Variants in PCDHA2 observed in about 807,000 individuals in gnomAD.
The protein encoded by PCDHA2 is protocadherin alpha-2.
PCDHA2 carries 58 observed loss-of-function variants against 66.0 expected under a neutral mutation model. The observed-to-expected ratio is 0.88, with a 90% confidence interval of 0.71 to 1.09. The LOEUF (loss-of-function observed/expected upper bound fraction) is 1.09, where lower values mean the gene tolerates loss of function less well. Ranked by LOEUF, PCDHA2 falls within the 50% of genes least tolerant of loss-of-function variation. The pLI, the probability that PCDHA2 is intolerant of heterozygous loss-of-function variation, is 0.00. For synonymous variants in PCDHA2, 634 were observed against 554.0 expected (o/e 1.14, Z -2.03); for missense variants, 1,267 against 1,242.3 (o/e 1.02, Z -0.30).
intron 1 of PCDHA2, among the ~76,000 whole-genome samples, chr5:140,943,423 T>C (rs782562871): frequency 5.3e-5 from 8 of 152,080 alleles, no homozygotes; most frequent in Non-Finnish European, 7.4e-5. Context: ...GGCAAGGGCT[T>C]TAATATGATA....
intron 1 of PCDHA2, chr5:140,808,613 A>T: frequency 6.2e-7 from 1 of 1,613,806 alleles, no homozygotes; most frequent in Non-Finnish European, 8.5e-7. Flanking sequence ...CCACATCTTC[A>T]CTGTGTCTGC....
chr5:140,884,837 C>A, intron 1 of PCDHA2: 4 of 902,438 alleles, frequency 4.4e-6, no homozygotes, highest in Non-Finnish European at 6.3e-6. Flanking sequence ...GATTATCCTT[C>A]AGAGTGAAAT....
intron 3 of PCDHA2, among the ~76,000 whole-genome samples, chr5:140,998,062 C>A (rs2097795439): frequency 6.6e-6 from 1 of 152,176 alleles, no homozygotes; most frequent in Non-Finnish European, 1.5e-5. Flanking sequence ...TCATCATCAA[C>A]AGACTTAGCC....
chr5:140,886,659 C>T (rs782545078), intron 1 of PCDHA2, among the ~76,000 whole-genome samples: 4 of 151,858 alleles, frequency 2.6e-5, no homozygotes, highest in African/African-American at 4.8e-5. Context: ...AACCCTGTCT[C>T]TACTAAAAAT....
intron 1 of PCDHA2, chr5:140,849,716 G>A (rs2150446385): frequency 1.3e-6 from 2 of 1,598,596 alleles, no homozygotes; most frequent in Non-Finnish European, 1.7e-6. Flanking sequence ...ACTACTCGTT[G>A]GTGCTGGACA....
At chr5:140,924,715 C>T (rs1258622619) in intron 1 of PCDHA2, among the ~76,000 whole-genome samples, 5 of 151,692 alleles carry the variant, frequency 3.3e-5, no homozygotes, top group African/African-American at 7.3e-5. Context: ...TGCAACATGG[C>T]GAAACCTCAC....
intron 1 of PCDHA2, chr5:140,824,046 G>C (rs2150131772): frequency 1.2e-6 from 2 of 1,614,126 alleles, no homozygotes; most frequent in Non-Finnish European, 1.7e-6. Context: ...GACAGAGGGT[G>C]TGCTCTGGGG....
intron 1 of PCDHA2, chr5:140,869,970 A>G: frequency 3.7e-6 from 6 of 1,613,166 alleles, no homozygotes; most frequent in Non-Finnish European, 5.1e-6. Context: ...CCAATGGAAG[A>G]CACTTATTTA....
At chr5:140,901,644 G>A (rs1223864756) in intron 1 of PCDHA2, among the ~76,000 whole-genome samples, 1 of 152,024 alleles carries the variant, frequency 6.6e-6, no homozygotes, top group Non-Finnish European at 1.5e-5. Context: ...GATTCTTCCG[G>A]TTTTGTTCTT....
intron 1 of PCDHA2, chr5:140,877,600 C>G (rs1554169914): frequency 6.2e-7 from 1 of 1,613,878 alleles, no homozygotes; most frequent in Admixed American, 1.7e-5. Context: ...GGTGTCCAGC[C>G]TGCTGGTGCT....
chr5:140,870,845 C>T lies in PCDHA2; in HGVS notation c.2388+73493C>T, dbSNP rs782454963. ...GGAGGCGCAGTTAACAAGCTAGTAC[C>T]GCGGTCGGTGGGTGCGGGCCACGTG... On this transcript the variant is annotated intron_variant, in intron 1 of 3. Transcript: ENST00000526136. The T allele has an allele frequency of 5.0e-6, 8 of 1,613,718 alleles. No individual in the cohort carries two copies. The highest frequency in any genetic ancestry group is 6.8e-6 in the Non-Finnish European group (8 of 1,179,896).
chr5:140,948,542 C>A (rs141026678), intron 1 of PCDHA2, among the ~76,000 whole-genome samples: 66 of 151,648 alleles, frequency 4.4e-4, no homozygotes, highest in African/African-American at 1.5e-3. Flanking sequence ...ATTTCATGCT[C>A]TGTCAATTTT....
intron 1 of PCDHA2, chr5:140,808,556 C>A: frequency 1.2e-6 from 2 of 1,614,130 alleles, no homozygotes; most frequent in Admixed American, 3.3e-5. Flanking sequence ...GGCGTTCGCG[C>A]AGCCCGAGTA....
Position 140,843,574 on chromosome 5 carries a change from G to T in PCDHA2, c.2388+46222G>T, listed in dbSNP as rs2150362915. On this transcript the variant is annotated intron_variant, in intron 1 of 3. Transcript: ENST00000526136. ...GTGCGGTGGGGAGCTGGTCATACTC[G>T]CAACAACAGCCGCAGAGGGTGTGCT... 67 of 1,595,908 alleles carry T rather than the reference G, an allele frequency of 4.2e-5. 3 individuals are homozygous for T. The East Asian group carries it at 1.4e-3, about 34-fold the overall frequency.
chr5:140,875,579 A>G (rs552791418), intron 1 of PCDHA2: 3 of 1,614,050 alleles, frequency 1.9e-6, no homozygotes, highest in Non-Finnish European at 2.5e-6. Context: ...TACTCCGTCT[A>G]CGAGGAGGCC....
chr5:140,809,343 C>T, intron 1 of PCDHA2: 1 of 1,614,074 alleles, frequency 6.2e-7, no homozygotes, highest in South Asian at 1.1e-5. Flanking sequence ...CTGCTGTACA[C>T]CGCGCTGCGG....
intron 1 of PCDHA2, chr5:140,824,000 G>A (rs2150131265): frequency 1.2e-6 from 2 of 1,614,148 alleles, no homozygotes; most frequent in South Asian, 1.1e-5. Flanking sequence ...TTGTGCTCCA[G>A]CGCGGTGGGG....
rs1554181471 is a variant in PCDHA2, at chr5:140,884,352, A to G, written c.2388+87000A>G. ...GTGGGTCCAGAAGCGGCGCTGGTGG[A>G]TGTCAATGTTTACTTGATCATTGCC... is the stretch of plus-strand genomic sequence containing the variant. On this transcript the variant is annotated intron_variant, in intron 1 of 3. Transcript: ENST00000526136. The G allele has an allele frequency of 2.5e-6, 4 of 1,613,710 alleles. No individual in the cohort carries two copies. The Admixed American group carries it at 5.0e-5, about 20-fold the overall frequency.
chr5:140,892,351 G>T (rs1554185157), intron 1 of PCDHA2, among the ~76,000 whole-genome samples: 1 of 152,112 alleles, frequency 6.6e-6, no homozygotes, highest in Non-Finnish European at 1.5e-5. Context: ...ATTGACTTTT[G>T]CCAGGCATCT....
Sources: gnomAD v4.1 joint callset for allele counts (sites outside exome capture counted in the v4.1 genomes callset) on GRCh38, gnomAD v4.1.1 for gene constraint, MANE v1.5 for transcripts, NCBI Gene and HGNC (gene_info 2026-07-23, HGNC 2026-07-21) for gene names.